The following EPM2A variants were observed in gnomAD, a reference collection of about 807,000 sequenced individuals.
The protein encoded by EPM2A is laforin.
Under a neutral mutation model 26.5 loss-of-function variants are expected in EPM2A, and 21 were observed. The ratio of observed to expected loss-of-function variants is 0.79; its 90% CI spans 0.56 to 1.14. The LOEUF (loss-of-function observed/expected upper bound fraction) is 1.14. Ranked by LOEUF, EPM2A falls within the 50% of genes most tolerant of loss-of-function variation. The probability of loss-of-function intolerance (pLI) is 0.00; values close to 1 mark genes in which losing one functional copy is unlikely to be tolerated. For missense variants in EPM2A, 458 were observed against 440.8 expected (o/e 1.04, Z -0.35); for synonymous variants, 217 against 177.6 (o/e 1.22, Z -1.76).
Position 145,719,127 on chromosome 6 carries a change from T to C in EPM2A, c.301+16071A>G, listed in dbSNP as rs1323345206. Among the ~76,000 whole-genome samples, 7 of 152,126 alleles carry C rather than the reference T, an allele frequency of 4.6e-5. No individual in the cohort carries two copies. In the South Asian group the frequency reaches 1.5e-3, roughly 32 times the overall value. ...CCCAGCCATCCCATTACTGGGTATA[T>C]ACCCAAAGGATTATAAATCATGCTG... On this transcript the variant is annotated intron_variant, in intron 1 of 3. Transcript: ENST00000367519.
intron 2 of EPM2A, among the ~76,000 whole-genome samples, chr6:145,582,230 C>T (rs1191938264): frequency 2.6e-5 from 4 of 152,042 alleles, no homozygotes; most frequent in African/African-American, 9.7e-5. Context: ...GTTTAATTTC[C>T]ATGTTATTGT....
chr6:145,514,432 G>T (rs1780097221), intron 2 of EPM2A, among the ~76,000 whole-genome samples: 1 of 151,980 alleles, frequency 6.6e-6, no homozygotes. Flanking sequence ...AATTCTGAGG[G>T]TACTAGATCA....
chr6:145,414,435 C>T (rs904294076), intron 4 of EPM2A, among the ~76,000 whole-genome samples: 1 of 151,920 alleles, frequency 6.6e-6, no homozygotes, highest in Non-Finnish European at 1.5e-5. Flanking sequence ...GCAGTTGATT[C>T]GCTTCACTAA....
At chr6:145,430,004 C>T (rs1453490648) in intron 4 of EPM2A, among the ~76,000 whole-genome samples, 1 of 152,040 alleles carries the variant, frequency 6.6e-6, no homozygotes, top group Non-Finnish European at 1.5e-5. Flanking sequence ...CGAGACCAGC[C>T]TGGGCAACCT....
At chr6:145,406,980 G>C (rs1778577802) in intron 4 of EPM2A, among the ~76,000 whole-genome samples, 1 of 152,126 alleles carries the variant, frequency 6.6e-6, no homozygotes, top group African/African-American at 2.4e-5. Flanking sequence ...TGGAGATTAG[G>C]CTGTAAGTTC....
chr6:145,686,703 A>G (rs901775522), intron 1 of EPM2A: 1 of 195,446 alleles, frequency 5.1e-6, no homozygotes, highest in African/African-American at 2.4e-5. Context: ...AATCAGGAAT[A>G]AAGTGTTGTA....
At chr6:145,676,164 T>C (rs1047103867) in intron 2 of EPM2A, among the ~76,000 whole-genome samples, 1 of 152,178 alleles carries the variant, frequency 6.6e-6, no homozygotes, top group Non-Finnish European at 1.5e-5. Context: ...AACAACCTGC[T>C]CCTGAATGAC....
At chr6:145,505,106 G>T (rs1003563430) in intron 2 of EPM2A, among the ~76,000 whole-genome samples, 1 of 112,654 alleles carries the variant, frequency 8.9e-6, no homozygotes, top group Non-Finnish European at 1.8e-5. Context: ...GGGGTGGGGG[G>T]AGGGGGGAGG....
At chr6:145,507,986 C>T (rs1001633553) in intron 2 of EPM2A, among the ~76,000 whole-genome samples, 1 of 152,140 alleles carries the variant, frequency 6.6e-6, no homozygotes, top group Non-Finnish European at 1.5e-5. Context: ...ACACCACTTC[C>T]TTGGAGATCT....
downstream of EPM2A, among the ~76,000 whole-genome samples, chr6:145,498,079 G>T (rs1008057809): frequency 6.6e-6 from 1 of 152,146 alleles, no homozygotes; most frequent in African/African-American, 2.4e-5. Flanking sequence ...CCAAATTTTT[G>T]TGGAGCAGCT....
intron 1 of EPM2A, among the ~76,000 whole-genome samples, chr6:145,697,211 G>A (rs1583074099): frequency 6.6e-6 from 1 of 152,108 alleles, no homozygotes; most frequent in African/African-American, 2.4e-5. Context: ...TGGGTGTATG[G>A]GGGAGACATC....
rs527313859 is a variant in EPM2A at position 145,700,052 on chromosome 6, T to A, written c.302-13756A>T. On this transcript the variant is annotated intron_variant, in intron 1 of 3. Coordinates refer to ENST00000367519, the MANE Select transcript of EPM2A (RefSeq NM_005670.4). The stretch of plus-strand genomic sequence containing the variant: ...CCATCAAGATTGAATTATTAATAAT[T>A]CATTCAATGTGATAATAATCTAAAG... Among the ~76,000 whole-genome samples the A allele has an allele frequency of 1.8e-4, 27 of 152,286 alleles. 1 individual carries two copies. The highest frequency in any genetic ancestry group is 5.8e-4 in the African/African-American group (24 of 41,576).
At chr6:145,511,890 A>G (rs1780059611) in intron 2 of EPM2A, among the ~76,000 whole-genome samples, 1 of 152,240 alleles carries the variant, frequency 6.6e-6, no homozygotes, top group South Asian at 2.1e-4. Context: ...AGATTCCCAG[A>G]TCTGATTAGA....
intron 2 of EPM2A, among the ~76,000 whole-genome samples, chr6:145,641,642 T>C (rs1777092691): frequency 6.6e-6 from 1 of 152,182 alleles, no homozygotes; most frequent in Non-Finnish European, 1.5e-5. Context: ...TTGTAATAGA[T>C]CTTTTTTCAC....
At chr6:145,651,397 A>G (rs922079055) in intron 2 of EPM2A, among the ~76,000 whole-genome samples, 6 of 152,134 alleles carry the variant, frequency 3.9e-5, no homozygotes, top group African/African-American at 1.4e-4. Context: ...GCTTTGGCGA[A>G]TTTTCCTCTT....
At chr6:145,415,569 C>T (rs1778697332) in intron 4 of EPM2A, among the ~76,000 whole-genome samples, 1 of 152,120 alleles carries the variant, frequency 6.6e-6, no homozygotes, top group African/African-American at 2.4e-5. Context: ...AGGTTCTTAT[C>T]ATTTCTTTTC....
chr6:145,632,798 C>G lies in EPM2A; in HGVS notation c.718+2447G>C, dbSNP rs1242103432. Among the ~76,000 whole-genome samples the G allele has an allele frequency of 2.0e-5, 3 of 152,170 alleles. No individual in the cohort carries two copies. The East Asian group carries it at 5.8e-4, about 29-fold the overall frequency. Reference sequence around the variant, plus strand: ...TTGGGCTAATACTGTGAGCCACAGACATTGGTCTATTGGTAAAAAGTTCCC... The same window carrying G: ...TTGGGCTAATACTGTGAGCCACAGAGATTGGTCTATTGGTAAAAAGTTCCC... On this transcript the variant is annotated intron_variant, in intron 3 of 3. Transcript: ENST00000367519.
intron 4 of EPM2A, among the ~76,000 whole-genome samples, chr6:145,411,508 G>A (rs368727274): frequency 1.9e-4 from 29 of 152,206 alleles, no homozygotes; most frequent in African/African-American, 6.5e-4. Flanking sequence ...GGTGGTCAGT[G>A]TGACAGCTCA....
At chr6:145,591,717 A>C (rs1313165437) in intron 2 of EPM2A, among the ~76,000 whole-genome samples, 1 of 152,118 alleles carries the variant, frequency 6.6e-6, no homozygotes, top group Non-Finnish European at 1.5e-5. Flanking sequence ...AAAGAAAATG[A>C]CCTAAGTCAG....
Sources: allele counts gnomAD v4.1 joint callset (sites outside exome capture counted in the v4.1 genomes callset), GRCh38; gene constraint gnomAD v4.1.1; transcripts MANE v1.5; gene names NCBI Gene and HGNC (gene_info 2026-07-23, HGNC 2026-07-21).